Variants in SRD5A2 observed in about 807,000 individuals in gnomAD.
SRD5A2 encodes the protein 3-oxo-5-alpha-steroid 4-dehydrogenase 2.
A neutral mutation model predicts 27.4 loss-of-function variants in SRD5A2; 30 were observed. The observed-to-expected ratio is 1.10, with a 90% CI of 0.82 to 1.49. The LOEUF (loss-of-function observed/expected upper bound fraction) is 1.49. Among genes scored for constraint, SRD5A2 ranks in the 40% most tolerant of loss-of-function variants. The pLI, the probability that SRD5A2 is intolerant of heterozygous loss-of-function variation, is 0.00. For synonymous variants in SRD5A2, 141 were observed against 133.6 expected (o/e 1.06, Z -0.38); for missense variants, 348 against 323.4 (o/e 1.08, Z -0.58).
chr2:31,528,767 AAAATAAATAAAT>A (rs58489430), intron 4 of SRD5A2, among the ~76,000 whole-genome samples: 230 of 149,690 alleles, frequency 1.5e-3, no homozygotes, highest in Middle Eastern at 3.4e-3. Context: ...CTCCAACTCA[AAAATAAATAAAT>A]AAATAAATAA....
the SRD5A2 span, among the ~76,000 whole-genome samples, chr2:31,634,957 G>A: frequency 6.6e-6 from 1 of 152,096 alleles, no homozygotes; most frequent in Non-Finnish European, 1.5e-5. Context: ...GCTTGAATCT[G>A]TATTTTGGAT....
chr2:31,614,369 C>T, the SRD5A2 span, among the ~76,000 whole-genome samples: 4 of 152,232 alleles, frequency 2.6e-5, no homozygotes, highest in African/African-American at 9.6e-5. Flanking sequence ...TCCTTTGCCT[C>T]CATATCTCAC....
At chr2:31,633,099 G>T in the SRD5A2 span, among the ~76,000 whole-genome samples, 1 of 152,108 alleles carries the variant, frequency 6.6e-6, no homozygotes, top group Non-Finnish European at 1.5e-5. Context: ...AGAGCCACAA[G>T]GTGGGACCCT....
chr2:31,640,502 T>C, the SRD5A2 span, among the ~76,000 whole-genome samples: 2 of 152,226 alleles, frequency 1.3e-5, no homozygotes, highest in African/African-American at 4.8e-5. Flanking sequence ...ATTTGCTTAG[T>C]AAACCTTTAC....
At chr2:31,648,889 G>A in the SRD5A2 span, among the ~76,000 whole-genome samples, 7 of 152,118 alleles carry the variant, frequency 4.6e-5, no homozygotes, top group South Asian at 4.1e-4. Flanking sequence ...TTGAATAGAC[G>A]GTTCTACGTG....
intron 1 of SRD5A2, among the ~76,000 whole-genome samples, chr2:31,543,178 T>C (rs1267039873): frequency 6.6e-6 from 1 of 152,118 alleles, no homozygotes; most frequent in Non-Finnish European, 1.5e-5. Flanking sequence ...AAAAAGAAAC[T>C]GTCAAGCAAG....
intron 1 of SRD5A2, among the ~76,000 whole-genome samples, chr2:31,548,153 G>A (rs1381157196): frequency 6.6e-6 from 1 of 151,984 alleles, no homozygotes; most frequent in Admixed American, 6.6e-5. Flanking sequence ...AAAAGAAAAC[G>A]TAGGACAAAA....
the SRD5A2 span, among the ~76,000 whole-genome samples, chr2:31,641,096 G>A: frequency 6.6e-6 from 1 of 152,020 alleles, no homozygotes; most frequent in African/African-American, 2.4e-5. Flanking sequence ...TCATATTTGA[G>A]CTTTAGGTTG....
At chr2:31,614,415 T>C in the SRD5A2 span, among the ~76,000 whole-genome samples, 1 of 152,260 alleles carries the variant, frequency 6.6e-6, no homozygotes, top group African/African-American at 2.4e-5. Context: ...TGGGCTCCTG[T>C]GGCCTTGGGC....
rs1297443267 is a variant in SRD5A2, at chr2:31,580,772, C to T, written c.129G>A (p.Ala43=). ...YGKHTESLKP[A]ATRLPARAAW... ...CGGCGCGGGCTGGCAGGCGGGTAGCCGCCGGCTTCAGGCTCTCCGTGTGCT... is the reference window on the plus strand; with the variant it reads ...CGGCGCGGGCTGGCAGGCGGGTAGCTGCCGGCTTCAGGCTCTCCGTGTGCT... The change falls in exon 1 of 5, where the codon GCG becomes GCA. Residue 43 remains alanine, a synonymous_variant. Coordinates refer to ENST00000622030, the MANE Select transcript of SRD5A2 (RefSeq NM_000348.4). 6.2e-7 allele frequency: 1 copy of T among 1,611,274 alleles called. No individual in the cohort carries two copies.
chr2:31,550,076 T>A (rs1250239151), intron 1 of SRD5A2, among the ~76,000 whole-genome samples: 1 of 151,908 alleles, frequency 6.6e-6, no homozygotes, highest in East Asian at 1.9e-4. Context: ...AAAACAGAGA[T>A]CAGACATAAT....
At chr2:31,651,768 C>T in the SRD5A2 span, 1 of 152,666 alleles carries the variant, frequency 6.6e-6, no homozygotes, top group Non-Finnish European at 1.5e-5. Flanking sequence ...CACAGTAACC[C>T]CAATCCAGCA....
chr2:31,619,299 A>G, the SRD5A2 span, among the ~76,000 whole-genome samples: 2 of 152,042 alleles, frequency 1.3e-5, no homozygotes, highest in Non-Finnish European at 2.9e-5. Flanking sequence ...GAGTAATTCT[A>G]TTTCTAAGTA....
the SRD5A2 span, among the ~76,000 whole-genome samples, chr2:31,661,514 A>G: frequency 6.6e-6 from 1 of 152,190 alleles, no homozygotes; most frequent in Non-Finnish European, 1.5e-5. Context: ...CCATCTTTGA[A>G]AAGGTAGTCT....
chr2:31,659,974 G>C, the SRD5A2 span, among the ~76,000 whole-genome samples: 1 of 150,610 alleles, frequency 6.6e-6, no homozygotes, highest in Non-Finnish European at 1.5e-5. Flanking sequence ...ATTTTTTCTA[G>C]CTCATTAATC....
At chr2:31,567,822 T>C (rs1334406255) in intron 1 of SRD5A2, among the ~76,000 whole-genome samples, 3 of 152,078 alleles carry the variant, frequency 2.0e-5, no homozygotes, top group Non-Finnish European at 2.9e-5. Context: ...TCTGCCTGAG[T>C]ATTGCTCATG....
the SRD5A2 span, among the ~76,000 whole-genome samples, chr2:31,614,733 T>C: frequency 3.3e-5 from 5 of 152,182 alleles, no homozygotes; most frequent in Non-Finnish European, 7.4e-5. Context: ...TCCTCTGAAA[T>C]CTAGGCGGAA....
chr2:31,635,432 A>C, the SRD5A2 span, among the ~76,000 whole-genome samples: 1 of 151,912 alleles, frequency 6.6e-6, no homozygotes, highest in Admixed American at 6.6e-5. Flanking sequence ...TGAGTTCCTT[A>C]TATATTCTTG....
intron 1 of SRD5A2, among the ~76,000 whole-genome samples, chr2:31,564,250 G>A (rs1221297500): frequency 6.6e-6 from 1 of 151,844 alleles, no homozygotes; most frequent in Non-Finnish European, 1.5e-5. Flanking sequence ...TCTAGAGATG[G>A]AAACTACAAT....
Sources: allele counts gnomAD v4.1 joint callset (sites outside exome capture counted in the v4.1 genomes callset), GRCh38; gene constraint gnomAD v4.1.1; transcripts MANE v1.5; gene names NCBI Gene and HGNC (gene_info 2026-07-23, HGNC 2026-07-21).